The following PDE8B variants were observed in gnomAD, a reference collection of about 807,000 sequenced individuals.
PDE8B encodes the protein high affinity cAMP-specific and IBMX-insensitive 3',5'-cyclic phosphodiesterase 8B.
A neutral mutation model predicts 101.3 loss-of-function variants in PDE8B; 26 were observed. The ratio of observed to expected loss-of-function variants is 0.26; its 90% CI spans 0.19 to 0.36. The LOEUF is 0.36. PDE8B is among the 10% of genes least tolerant of loss of function. PDE8B has a pLI of 1.00. For synonymous variants in PDE8B, 424 were observed against 429.3 expected (o/e 0.99, Z 0.15); for missense variants, 810 against 1,163.1 (o/e 0.70, Z 4.42).
At position 77,345,033 on chromosome 5, in the gene PDE8B, C is replaced by T; in HGVS notation, c.876+102C>T. On this transcript the variant is annotated intron_variant, in intron 7 of 21. Transcript: ENST00000264917. ...CTTTCCCATCATCCTCATGTATCAGCACATTTTCTTAGGAGAAATAAATAT... is the reference window on the plus strand; with the variant it reads ...CTTTCCCATCATCCTCATGTATCAGTACATTTTCTTAGGAGAAATAAATAT... 3 of 788,798 alleles carry T rather than the reference C, an allele frequency of 3.8e-6. No homozygotes were observed. In the East Asian group the frequency reaches 7.4e-5, roughly 19 times the overall value. The allele number at this position is 788,798 out of a possible 1,614,324, so 48.9% of individuals were successfully genotyped here. A position where few individuals can be genotyped will look rare whatever the true frequency, so the allele number is the denominator to read the frequency against.
intron 1 of PDE8B, among the ~76,000 whole-genome samples, chr5:77,215,528 A>G (rs1749488974): frequency 1.3e-5 from 2 of 152,212 alleles, no homozygotes; most frequent in South Asian, 4.1e-4. Flanking sequence ...TTTAAGGACT[A>G]TCAGGTAATT....
chr5:77,098,848 T>C, the PDE8B span: 78,013 of 150,914 alleles, frequency 0.52, 20,284 homozygotes, highest in Admixed American at 0.6. Context: ...AGAGAGAGAG[T>C]GAGAAAGAGA....
intron 10 of PDE8B, among the ~76,000 whole-genome samples, chr5:77,398,472 G>A (rs890376786): frequency 2.0e-5 from 3 of 151,788 alleles, no homozygotes; most frequent in Non-Finnish European, 2.9e-5. Context: ...ACAGGCGCCC[G>A]CCACCCCACC....
chr5:77,360,239 G>A (rs370641231), intron 10 of PDE8B, among the ~76,000 whole-genome samples: 1 of 142,178 alleles, frequency 7.0e-6, no homozygotes, highest in Non-Finnish European at 1.5e-5. Flanking sequence ...TTATGTTGGC[G>A]TTTGGGAGGA....
At chr5:77,098,521 C>T in the PDE8B span, 1 of 152,338 alleles carries the variant, frequency 6.6e-6, no homozygotes, top group African/African-American at 2.4e-5. Flanking sequence ...GTCTCAAACT[C>T]CTGGTGTCAA....
Position 77,427,429 on chromosome 5 carries a change from A to T in PDE8B, c.*875A>T, listed in dbSNP as rs1463329607. The T allele has an allele frequency of 6.6e-6, 1 of 152,154 alleles. No individual in the cohort carries two copies. The highest frequency in any genetic ancestry group is 1.5e-5 in the Non-Finnish European group (1 of 67,992). 9.4% of individuals were successfully genotyped at this position (152,154 alleles called of 1,614,324 possible). On this transcript the variant is annotated 3_prime_UTR_variant, in exon 22 of 22. Transcript: ENST00000264917. ...AAAAAAAAAAAAAAAGTTTATATAC[A>T]TGTTTAAAATTTTTATTAAAATCCA...
chr5:77,220,312 C>A, intron 1 of PDE8B, among the ~76,000 whole-genome samples: 1 of 152,122 alleles, frequency 6.6e-6, no homozygotes, highest in Admixed American at 6.5e-5. Flanking sequence ...CAGGTGAGGG[C>A]AAGGGAGTGT....
the PDE8B span, among the ~76,000 whole-genome samples, chr5:77,133,538 A>G: frequency 6.6e-6 from 1 of 152,234 alleles, no homozygotes; most frequent in East Asian, 1.9e-4. Context: ...ACAAAAAAAT[A>G]AGTGGCATTG....
At chr5:77,193,869 G>T in the PDE8B span, among the ~76,000 whole-genome samples, 1 of 152,064 alleles carries the variant, frequency 6.6e-6, no homozygotes, top group Non-Finnish European at 1.5e-5. Flanking sequence ...CAGTGTGAAG[G>T]TCTACAGAAA....
At chr5:77,392,177 G>A (rs967595323) in intron 10 of PDE8B, among the ~76,000 whole-genome samples, 2 of 152,144 alleles carry the variant, frequency 1.3e-5, no homozygotes, top group Non-Finnish European at 2.9e-5. Flanking sequence ...CTATTTTCAC[G>A]CTTCAGTTTT....
chr5:77,339,816 C>A (rs1211411007), intron 6 of PDE8B, among the ~76,000 whole-genome samples: 1 of 152,152 alleles, frequency 6.6e-6, no homozygotes, highest in Non-Finnish European at 1.5e-5. Context: ...GGTCCCATGT[C>A]AGGTGACCAT....
At chr5:77,389,580 C>T (rs1789469001) in intron 10 of PDE8B, among the ~76,000 whole-genome samples, 1 of 152,160 alleles carries the variant, frequency 6.6e-6, no homozygotes, top group Non-Finnish European at 1.5e-5. Context: ...GAACCTTATC[C>T]CCATCACGAT....
At chr5:77,110,121 T>C in the PDE8B span, among the ~76,000 whole-genome samples, 1 of 151,774 alleles carries the variant, frequency 6.6e-6, no homozygotes, top group Admixed American at 6.6e-5. Flanking sequence ...TTTTTGTTTT[T>C]GTTTTAAGTA....
At chr5:77,101,232 A>C in the PDE8B span, among the ~76,000 whole-genome samples, 1 of 151,784 alleles carries the variant, frequency 6.6e-6, no homozygotes, top group Non-Finnish European at 1.5e-5. Flanking sequence ...CAGTCTCCCA[A>C]AGTGATGGGA....
intron 4 of PDE8B, 97 bp downstream of exon 4, chr5:77,329,154 G>T: frequency 1.1e-6 from 1 of 896,762 alleles, no homozygotes; most frequent in Non-Finnish European, 1.9e-6. Flanking sequence ...AGCAATGGGT[G>T]TGTCTTGGGT....
chr5:77,333,208 A>G (rs1269886755), intron 5 of PDE8B, among the ~76,000 whole-genome samples: 1 of 152,156 alleles, frequency 6.6e-6, no homozygotes, highest in Non-Finnish European at 1.5e-5. Flanking sequence ...TCTTCTCACA[A>G]AGGTTGGCAT....
the PDE8B span, among the ~76,000 whole-genome samples, chr5:77,159,330 AC>A: frequency 6.6e-6 from 1 of 152,064 alleles, no homozygotes; most frequent in Admixed American, 6.6e-5. Flanking sequence ...AGGCAGATCC[AC>A]CCTTAATCTG....
intron 2 of PDE8B, among the ~76,000 whole-genome samples, chr5:77,324,382 G>A (rs1480225122): frequency 6.6e-6 from 1 of 152,146 alleles, no homozygotes; most frequent in Admixed American, 6.5e-5. Flanking sequence ...AAGCCAGGCC[G>A]AGCCCTCACT....
chr5:77,144,467 C>T, the PDE8B span: 5 of 152,010 alleles, frequency 3.3e-5, no homozygotes, highest in Non-Finnish European at 5.9e-5. Flanking sequence ...GTCATAGGGA[C>T]GGTGTCCGCT....
Sources: allele counts gnomAD v4.1 joint callset (sites outside exome capture counted in the v4.1 genomes callset), GRCh38; gene constraint gnomAD v4.1.1; transcripts MANE v1.5; gene names NCBI Gene and HGNC (gene_info 2026-07-23, HGNC 2026-07-21).